The following CUX1 variants were observed in gnomAD, a reference collection of about 807,000 sequenced individuals.
CUX1 encodes protein CASP.
Under a neutral mutation model 158.8 loss-of-function variants are expected in CUX1, and 31 were observed. The observed-to-expected ratio is 0.20, with a 90% CI of 0.15 to 0.26. The LOEUF (loss-of-function observed/expected upper bound fraction) is 0.26. Ranked by LOEUF, CUX1 falls within the 10% of genes least tolerant of loss-of-function variation. The pLI, the probability that CUX1 is intolerant of heterozygous loss-of-function variation, is 1.00. For synonymous variants in CUX1, 879 were observed against 862.1 expected, an observed-to-expected ratio of 1.02 and a Z score of -0.34; for missense variants, 1,589 against 2,014.6, an observed-to-expected ratio of 0.79 and a Z score of 4.04.
intron 2 of CUX1, among the ~76,000 whole-genome samples, chr7:102,012,511 G>A (rs986048862): frequency 6.6e-6 from 1 of 152,152 alleles, no homozygotes; most frequent in African/African-American, 2.4e-5. Context: ...AAAGGTTGTA[G>A]CTGAAGATTT....
intron 1 of CUX1, among the ~76,000 whole-genome samples, chr7:101,892,830 G>C (rs1801038389): frequency 6.6e-6 from 1 of 151,996 alleles, no homozygotes; most frequent in Non-Finnish European, 1.5e-5. Flanking sequence ...CTAGATGAAA[G>C]GCCCCCAAAA....
intron 8 of CUX1, among the ~76,000 whole-genome samples, chr7:102,126,840 C>T (rs1417741016): frequency 6.6e-6 from 1 of 152,210 alleles, no homozygotes; most frequent in Non-Finnish European, 1.5e-5. Flanking sequence ...AATAATTCTA[C>T]AACTCACCAT....
intron 4 of CUX1, among the ~76,000 whole-genome samples, chr7:102,093,959 C>T (rs1828925399): frequency 6.6e-6 from 1 of 152,128 alleles, no homozygotes; most frequent in African/African-American, 2.4e-5. Context: ...CTGCTAAGAT[C>T]GGAGGCATCT....
chr7:102,019,458 C>T (rs1358721354), intron 2 of CUX1, among the ~76,000 whole-genome samples: 1 of 152,194 alleles, frequency 6.6e-6, no homozygotes, highest in East Asian at 1.9e-4. Context: ...CTCCTGCCCT[C>T]ATGTGATCCA....
intron 11 of CUX1, among the ~76,000 whole-genome samples, chr7:102,189,436 C>T (rs1248640338): frequency 1.3e-5 from 2 of 150,298 alleles, no homozygotes; most frequent in Non-Finnish European, 3.0e-5. Context: ...CACTCTGTCA[C>T]CCAGGCTGGA....
At chr7:101,838,169 G>A (rs1210422898) in intron 1 of CUX1, among the ~76,000 whole-genome samples, 11 of 147,700 alleles carry the variant, frequency 7.4e-5, no homozygotes, top group East Asian at 2.0e-4. Context: ...TCGCTCTGTC[G>A]CCCAGGCTGG....
At chr7:102,270,879 T>G (rs1791165795) in intron 14 of CUX1, among the ~76,000 whole-genome samples, 1 of 152,200 alleles carries the variant, frequency 6.6e-6, no homozygotes. Flanking sequence ...ACGGCAGGAC[T>G]GTGTGCCCAC....
intron 14 of CUX1, among the ~76,000 whole-genome samples, chr7:102,196,135 A>T (rs1794775420): frequency 6.6e-6 from 1 of 152,208 alleles, no homozygotes; most frequent in Non-Finnish European, 1.5e-5. Context: ...AAACGCGTAC[A>T]GGTGTCTCGG....
chr7:101,862,274 G>A (rs1305568552), intron 1 of CUX1, among the ~76,000 whole-genome samples: 2 of 152,066 alleles, frequency 1.3e-5, no homozygotes. Flanking sequence ...TGTTGGTCTC[G>A]GGGGTGTGTG....
intron 3 of CUX1, among the ~76,000 whole-genome samples, chr7:102,047,591 GGGATGGAT>G (rs955946371): frequency 6.6e-6 from 1 of 150,652 alleles, no homozygotes; most frequent in Non-Finnish European, 1.5e-5. Context: ...GAGGGAGGGA[GGGATGGAT>G]GGATGGATGG....
intron 1 of CUX1, among the ~76,000 whole-genome samples, chr7:101,826,297 C>G (rs1188177534): frequency 6.6e-6 from 1 of 151,944 alleles, no homozygotes; most frequent in African/African-American, 2.4e-5. Context: ...CTCCCGGGCT[C>G]AAGCAATCCT....
chr7:102,250,577 C>G lies in CUX1; in HGVS notation c.*1535C>G. ...GGCATTCTGGGCTCCCCACTCCCAT[C>G]CCTGTAGAAATGGCCCAAACTCACA... is the stretch of plus-strand genomic sequence containing the variant. On this transcript the variant is annotated 3_prime_UTR_variant, in exon 24 of 24. Coordinates refer to ENST00000292535, the MANE Select transcript of CUX1 (RefSeq NM_181552.4). 1.0e-6 allele frequency: 1 copy of G among 985,328 alleles called. No homozygotes were observed. The highest frequency in any genetic ancestry group is 1.2e-6 in the Non-Finnish European group (1 of 829,922). The allele number at this position is 985,328 out of a possible 1,614,324, so 61.0% of individuals were successfully genotyped here.
chr7:102,216,094 G>A (rs555863249), intron 20 of CUX1, among the ~76,000 whole-genome samples: 4 of 152,278 alleles, frequency 2.6e-5, no homozygotes, highest in East Asian at 1.9e-4. Context: ...ACTTGAGGCC[G>A]GGAGTTTGAG....
At chr7:101,924,794 C>T (rs1439153349) in intron 2 of CUX1, among the ~76,000 whole-genome samples, 2 of 151,772 alleles carry the variant, frequency 1.3e-5, no homozygotes, top group Admixed American at 6.6e-5. Flanking sequence ...GGGCTGATCT[C>T]GAACTCCTGG....
intron 2 of CUX1, among the ~76,000 whole-genome samples, chr7:101,974,598 A>C (rs952510548): frequency 6.6e-6 from 1 of 152,152 alleles, no homozygotes. Flanking sequence ...ATAGATGTAG[A>C]TATATTACAG....
chr7:102,264,492 G>C lies in CUX1; in HGVS notation c.1256-8874G>C, dbSNP rs1036921790. ...GAGTGGGAGGCGATGAGGTCAGAGA[G>C]ACCAAGGAGAGGCGGAGCATGGGGG... is the stretch of plus-strand genomic sequence containing the variant. On this transcript the variant is annotated intron_variant, in intron 14 of 22. Coordinates refer to the CUX1 transcript ENST00000292538. Among the ~76,000 whole-genome samples, 3 of 152,326 alleles carry C rather than the reference G, an allele frequency of 2.0e-5. No homozygotes were observed. The South Asian group carries it at 6.2e-4, about 32-fold the overall frequency.
intron 3 of CUX1, among the ~76,000 whole-genome samples, chr7:102,041,253 A>ATCCTTT: frequency 1.5e-5 from 1 of 66,072 alleles, no homozygotes; most frequent in Admixed American, 1.9e-4. Flanking sequence ...CCTCTTATCC[A>ATCCTTT]TTCTTTTTTT....
At chr7:102,281,880 G>A in exon 21 of CUX1, 1 of 1,613,632 alleles carries the variant, frequency 6.2e-7, no homozygotes, top group Non-Finnish European at 8.5e-7. Flanking sequence ...CGCACCATCG[G>A]CTTCTTCTAC....
chr7:101,918,351 A>G (rs1289680756), intron 2 of CUX1, among the ~76,000 whole-genome samples: 2 of 152,222 alleles, frequency 1.3e-5, no homozygotes, highest in East Asian at 3.9e-4. Flanking sequence ...TTCTGATCCC[A>G]ATAAATGGAA....
Sources: gnomAD v4.1 joint callset for allele counts (sites outside exome capture counted in the v4.1 genomes callset) on GRCh38, gnomAD v4.1.1 for gene constraint, MANE v1.5 for transcripts, NCBI Gene and HGNC (gene_info 2026-07-23, HGNC 2026-07-21) for gene names.